The following ITPR3 variants were observed in gnomAD, a reference collection of about 807,000 sequenced individuals.
The protein encoded by ITPR3 is inositol 1,4,5-trisphosphate-gated calcium channel ITPR3.
Under a neutral mutation model 293.2 loss-of-function variants are expected in ITPR3, and 173 were observed. That is an observed-to-expected ratio of 0.59 (90% CI 0.52 to 0.67). The LOEUF (loss-of-function observed/expected upper bound fraction) is 0.67. ITPR3 is among the 30% of genes least tolerant of loss of function. The pLI, the probability that ITPR3 is intolerant of heterozygous loss-of-function variation, is 0.00. For synonymous variants in ITPR3, 1,295 were observed against 1,444.4 expected, an observed-to-expected ratio of 0.90 and a Z score of 2.35; for missense variants, 2,796 against 3,592.1, an observed-to-expected ratio of 0.78 and a Z score of 5.66.
Position 33,686,147 on chromosome 6 carries a change from G to C in ITPR3, c.5762G>C (p.Gly1921Ala). 6.2e-7 allele frequency: 1 copy of C among 1,614,196 alleles called. No individual in the cohort carries two copies. The highest frequency in any genetic ancestry group is 1.1e-5 in the South Asian group (1 of 91,088). The change falls in exon 42 of 58, where the codon GGC becomes GCC. Residue 1921 changes from glycine to alanine, a missense_variant. By Grantham distance (60) the Gly-to-Ala change is moderately conservative. Around this residue, in one of 8 missense-constraint regions of ITPR3, gnomAD observed 704 missense variants for 797.5 expected, o/e 0.88. Transcript: ENST00000605930. ...ATCATGTGCGGCAGCACCACGGGCG[G>C]CCTGGGGCTGCTGGGGCTCTACATC... ...LDIMCGSTTGGLGLLGLYINE... is the reference protein window; with the variant it reads ...LDIMCGSTTGALGLLGLYINE...
intron 21 of ITPR3, 100 bp downstream of exon 21, chr6:33,671,406 C>G: frequency 1.3e-6 from 1 of 794,946 alleles, no homozygotes; most frequent in Non-Finnish European, 2.0e-6. Context: ...CCCGCATTCC[C>G]CCCACCCAAC....
rs763961175 is a variant in ITPR3, at chr6:33,684,406, A to T, written c.4987A>T (p.Ile1663Phe). 1 of 1,613,988 alleles carries T rather than the reference A, an allele frequency of 6.2e-7. No homozygotes were observed. Among genetic ancestry groups the T allele is most frequent in the African/African-American group, 1.3e-5 (1 of 74,904 alleles). The change falls in exon 37 of 58, where the codon ATC (isoleucine) becomes TTC (phenylalanine). Residue 1663 changes from isoleucine (I) to phenylalanine (F), a missense_variant. Ile to Phe is a conservative substitution (Grantham distance 21, BLOSUM62 0). This residue lies in a region of ITPR3 where 704 missense variants were observed against 797.5 expected (regional missense o/e 0.88). Transcript: ENST00000605930. This position sits in a 1 kb window ranked among gnomAD's most constrained non-coding sequence, Gnocchi z 4.2. ...DLMESEEKLC[I>F]KVLRTLQQML... Reference sequence around the variant, plus strand: ...CATGGAGTCGGAGGAGAAGCTGTGCATCAAGGTGCTGCGGACCCTGCAGCA... The same window carrying T: ...CATGGAGTCGGAGGAGAAGCTGTGCTTCAAGGTGCTGCGGACCCTGCAGCA...
At position 33,657,977 on chromosome 6, in the gene ITPR3, A is replaced by G; in HGVS notation, c.328A>G (p.Lys110Glu). 6.2e-7 allele frequency: 1 copy of G among 1,613,874 alleles called. No individual in the cohort carries two copies. The highest frequency in any genetic ancestry group is 8.5e-7 in the Non-Finnish European group (1 of 1,179,896). The change falls in exon 4 of 58, where the codon AAG becomes GAG. Residue 110 changes from lysine (K) to glutamate (E), a missense_variant. Physicochemically the swap from Lys to Glu is moderately conservative, Grantham distance 56 (BLOSUM62 1). Transcript: ENST00000605930. ...GAAGCAAAATGACACGGAGAACAAG[A>G]AGGTGCATGGGGATGTCGTGAAGTA... ...EQKQNDTENK[K>E]VHGDVVKYGS...
Position 33,680,693 on chromosome 6 carries a change from T to C in ITPR3, c.4476+13T>C. 6.2e-7 allele frequency: 1 copy of C among 1,607,168 alleles called. No individual in the cohort carries two copies. On this transcript the variant is annotated intron_variant, in intron 33 of 57. Coordinates refer to ENST00000605930, the MANE Select transcript of ITPR3 (RefSeq NM_002224.4). ...CACTTCCCTGCAGGTGAGCTTCTCC[T>C]CTCCCACCACCCCAGGGCCGACTTG...
In ITPR3 at chr6:33,687,208, C is replaced by A. The variant is rs1417527559; in HGVS notation, c.6076-18C>A. ...CCGCCCTAGGAAGAGAGCATTGGAA[C>A]AGGCACTGCCCCTCCAGGTGGACGT... On this transcript the variant is annotated intron_variant, in intron 44 of 57. Transcript: ENST00000605930. The surrounding 1 kb of genome is among the most constrained non-coding windows in gnomAD (Gnocchi z 5.3). The A allele has an allele frequency of 1.1e-5, 17 of 1,601,780 alleles. No individual in the cohort carries two copies. The highest frequency in any genetic ancestry group is 3.4e-6 in the Non-Finnish European group (4 of 1,169,294).
chr6:33,674,201 C>T lies in ITPR3; in HGVS notation c.3059-7C>T. On this transcript the variant is annotated splice_region_variant and splice_polypyrimidine_tract_variant and intron_variant, in intron 23 of 57. Transcript: ENST00000605930. ...CAATCTGCTTCCATCTGCCCCTCTC[C>T]CCACAGCTGCCAACATGAACCTGGA... The T allele has an allele frequency of 6.2e-7, 1 of 1,614,052 alleles. No individual in the cohort carries two copies. The highest frequency in any genetic ancestry group is 8.5e-7 in the Non-Finnish European group (1 of 1,179,964).
chr6:33,632,527 C>A lies in ITPR3; in HGVS notation c.90-7957C>A, dbSNP rs1347788103. Among the ~76,000 whole-genome samples the A allele has an allele frequency of 6.6e-6, 1 of 152,232 alleles. No homozygotes were observed. Among genetic ancestry groups the A allele is most frequent in the African/African-American group, 2.4e-5 (1 of 41,456 alleles). Reference sequence around the variant, plus strand: ...GGGATGCAGCTGTCTTCCTCTCCTACCTCAGATCAAGGTCTTGGGGTGTAG... The same window carrying A: ...GGGATGCAGCTGTCTTCCTCTCCTAACTCAGATCAAGGTCTTGGGGTGTAG... On this transcript the variant is annotated intron_variant, in intron 1 of 57. Coordinates refer to ENST00000605930, the MANE Select transcript of ITPR3 (RefSeq NM_002224.4). This position sits in a 1 kb window ranked among gnomAD's most constrained non-coding sequence, Gnocchi z 4.1.
At position 33,682,388 on chromosome 6, in the gene ITPR3, C is replaced by A; in HGVS notation, c.4477-136C>A. ...AATACAAGTACCTTTTTCCAACTGG[C>A]ACAGAGGCACATGGTGGCTAGTGAA... On this transcript the variant is annotated intron_variant, in intron 33 of 57. Transcript: ENST00000605930. This position sits in a 1 kb window ranked among gnomAD's most constrained non-coding sequence, Gnocchi z 5.4. 9.7e-7 allele frequency: 1 copy of A among 1,025,676 alleles called. No homozygotes were observed. The highest frequency in any genetic ancestry group is 1.4e-6 in the Non-Finnish European group (1 of 726,942). 63.5% of individuals were successfully genotyped at this position (1,025,676 alleles called of 1,614,324 possible).
rs1284497316 is a variant in ITPR3 at position 33,658,963 on chromosome 6, G to A, written c.529-58G>A. On this transcript the variant is annotated intron_variant, in intron 5 of 57. Transcript: ENST00000605930. The surrounding 1 kb of genome is among the most constrained non-coding windows in gnomAD (Gnocchi z 6.1). Reference sequence around the variant, plus strand: ...ACTGAGACCAAAGGGAGGCCTGGAGGCGTGGTGACAAGAGGGCCCTGCCCT... The same window carrying A: ...ACTGAGACCAAAGGGAGGCCTGGAGACGTGGTGACAAGAGGGCCCTGCCCT... 9 of 1,603,326 alleles carry A rather than the reference G, an allele frequency of 5.6e-6. No individual in the cohort carries two copies. In the Admixed American group the frequency reaches 1.5e-4, roughly 27 times the overall value.
rs1357430386 is a variant in ITPR3, at chr6:33,682,224, T to C, written c.4477-300T>C. On this transcript the variant is annotated intron_variant, in intron 33 of 57. Coordinates refer to ENST00000605930, the MANE Select transcript of ITPR3 (RefSeq NM_002224.4). This position sits in a 1 kb window ranked among gnomAD's most constrained non-coding sequence, Gnocchi z 5.4. ...AAATAACCTTTTGGTTTTTCAACCA[T>C]GTAAATCCATCACCTTTTTATGACA... Among the ~76,000 whole-genome samples the C allele has an allele frequency of 6.6e-6, 1 of 152,252 alleles. No individual in the cohort carries two copies. Among genetic ancestry groups the C allele is most frequent in the Non-Finnish European group, 1.5e-5 (1 of 68,040 alleles).
chr6:33,631,939 A>T (rs1763688045), intron 1 of ITPR3, among the ~76,000 whole-genome samples: 1 of 152,240 alleles, frequency 6.6e-6, no homozygotes, highest in African/African-American at 2.4e-5. Flanking sequence ...AATGCAACAA[A>T]GAGTAATATT....
At chr6:33,686,875 A>G in intron 43 of ITPR3, 134 bp from the exon 44 acceptor site, 1 of 712,576 alleles carries the variant, frequency 1.4e-6, no homozygotes, top group East Asian at 2.6e-5. Context: ...AGCCGGGGGG[A>G]GGGAGGATGG....
chr6:33,652,560 G>A (rs367941041), intron 2 of ITPR3, among the ~76,000 whole-genome samples: 1 of 151,424 alleles, frequency 6.6e-6, no homozygotes, highest in African/African-American at 2.4e-5. Context: ...CCCGACCCCC[G>A]GTTCAAGTGA....
At chr6:33,642,265 C>T (rs1204268438) in intron 2 of ITPR3, among the ~76,000 whole-genome samples, 1 of 152,084 alleles carries the variant, frequency 6.6e-6, no homozygotes, top group Admixed American at 6.6e-5. Flanking sequence ...TGTCCCAGTT[C>T]CCTGAAGGAT....
In ITPR3 at chr6:33,658,882, G is replaced by C. The variant is rs1341140981; in HGVS notation, c.528+54G>C. 1.9e-6 allele frequency: 3 copies of C among 1,608,634 alleles called. No homozygotes were observed. The highest frequency in any genetic ancestry group is 2.6e-6 in the Non-Finnish European group (3 of 1,176,330). ...CTGGTGGAACTCCCGAGGGGCTTCT[G>C]TAGGGTCTTCGGTGTGGGGACTGGA... On this transcript the variant is annotated intron_variant, in intron 5 of 57. Transcript: ENST00000605930. The surrounding 1 kb of genome is among the most constrained non-coding windows in gnomAD (Gnocchi z 6.1).
intron 1 of ITPR3, among the ~76,000 whole-genome samples, chr6:33,627,696 G>A (rs1319968016): frequency 6.6e-6 from 1 of 152,228 alleles, no homozygotes; most frequent in East Asian, 1.9e-4. Flanking sequence ...TTGTGTTTCT[G>A]TGGTGGTGGA....
Position 33,685,000 on chromosome 6 carries a change from G to A in ITPR3, c.5307+57G>A, listed in dbSNP as rs1765186573. Reference sequence around the variant, plus strand: ...CCTTTGCCTCCCTCCCTTTTTGGAGGAGGTGGGCCTTGAGTTGGGCACTGA... The same window carrying A: ...CCTTTGCCTCCCTCCCTTTTTGGAGAAGGTGGGCCTTGAGTTGGGCACTGA... On this transcript the variant is annotated intron_variant, in intron 39 of 57. Transcript: ENST00000605930. The surrounding 1 kb of genome is among the most constrained non-coding windows in gnomAD (Gnocchi z 4.2). 2 of 1,555,958 alleles carry A rather than the reference G, an allele frequency of 1.3e-6. No homozygotes were observed.
chr6:33,662,574 C>G lies in ITPR3; in HGVS notation c.758C>G (p.Thr253Arg). Reference sequence around the variant, plus strand: ...CATGCGGAGCAGGAGAAGTTCCTGACGTGTGACGAGTACAAGGGCAAGCTG... The same window carrying G: ...CATGCGGAGCAGGAGAAGTTCCTGAGGTGTGACGAGTACAAGGGCAAGCTG... ...LFHAEQEKFL[T>R]CDEYKGKLQV... is the part of the protein sequence containing the mutation. The change falls in exon 8 of 58, where the codon ACG (threonine) becomes AGG (arginine). Residue 253 changes from threonine to arginine, a missense_variant. By Grantham distance (71) the Thr-to-Arg change is moderately conservative. This residue lies in a region of ITPR3 where 955 missense variants were observed against 1,180.8 expected (regional missense o/e 0.81). Coordinates refer to ENST00000605930, the MANE Select transcript of ITPR3 (RefSeq NM_002224.4). 6.2e-7 allele frequency: 1 copy of G among 1,611,026 alleles called. No homozygotes were observed. Among genetic ancestry groups the G allele is most frequent in the Non-Finnish European group, 8.5e-7 (1 of 1,179,310 alleles).
rs1765256526 is a variant in ITPR3 at position 33,687,252 on chromosome 6, G to T, written c.6102G>T (p.Leu2034=). 6.2e-7 allele frequency: 1 copy of T among 1,613,560 alleles called. No homozygotes were observed. The highest frequency in any genetic ancestry group is 1.3e-5 in the African/African-American group (1 of 74,880). ...ELVDVIKKAY[L]QEEERENSEV... Reference sequence around the variant, plus strand: ...TGGACGTCATCAAGAAGGCCTACCTGCAGGAGGAAGAGCGTGAGAACTCGG... The same window carrying T: ...TGGACGTCATCAAGAAGGCCTACCTTCAGGAGGAAGAGCGTGAGAACTCGG... The change falls in exon 45 of 58, where the codon CTG becomes CTT. Residue 2034 remains leucine, a synonymous_variant. Coordinates refer to ENST00000605930, the MANE Select transcript of ITPR3 (RefSeq NM_002224.4). This position sits in a 1 kb window ranked among gnomAD's most constrained non-coding sequence, Gnocchi z 5.3.
Sources: gnomAD v4.1 joint callset for allele counts (sites outside exome capture counted in the v4.1 genomes callset) on GRCh38, gnomAD v4.1.1 for gene constraint, gnomAD v4.1.1 regional missense constraint, Gnocchi (gnomAD v3.1) non-coding constraint, MANE v1.5 for transcripts, NCBI Gene and HGNC (gene_info 2026-07-23, HGNC 2026-07-21) for gene names.